AQR: variants seen among roughly 807,000 people sequenced by gnomAD.
AQR encodes the protein RNA helicase aquarius.
Under a neutral mutation model 180.5 loss-of-function variants are expected in AQR, and 61 were observed. The observed-to-expected ratio is 0.34, with a 90% confidence interval of 0.28 to 0.42. The LOEUF is 0.42. Ranked by LOEUF, AQR falls within the 10% of genes least tolerant of loss-of-function variation. The pLI is 1.00. For synonymous variants in AQR, 551 were observed against 588.8 expected (o/e 0.94, Z 0.93); for missense variants, 1,281 against 1,798.3 (o/e 0.71, Z 5.20).
At chr15:34,857,257 T>C in intron 34 of AQR, 151 bp from the exon 35 acceptor site, 1 of 666,340 alleles carries the variant, frequency 1.5e-6, no homozygotes. Context: ...GTCTAGGTTC[T>C]GCTAACACCA....
intron 19 of AQR, among the ~76,000 whole-genome samples, chr15:34,901,560 T>C (rs185939227): frequency 6.6e-5 from 10 of 152,342 alleles, no homozygotes; most frequent in Non-Finnish European, 1.0e-4. Context: ...AAGTGAGCTA[T>C]CTCACATATA....
chr15:34,912,300 G>T (rs1209159997), intron 16 of AQR, among the ~76,000 whole-genome samples: 1 of 152,064 alleles, frequency 6.6e-6, no homozygotes, highest in Non-Finnish European at 1.5e-5. Context: ...TCAGCTTGGA[G>T]AACTTCCCTT....
rs1342053535 is a variant in AQR, at chr15:34,852,561, ATC to A, written c.*4229_*4230del. On this transcript the variant is annotated 3_prime_UTR_variant, in exon 35 of 35. Transcript: ENST00000156471. The stretch of plus-strand genomic sequence containing the variant: ...CTGTGTTCTAAGGAAATAGCTACCT[ATC>A]TTATTAAAAAAAAACAAAAACAAAG... The A allele has an allele frequency of 7.9e-6, 1 of 126,502 alleles. No homozygotes were observed. Among genetic ancestry groups the A allele is most frequent in the Non-Finnish European group, 1.9e-5 (1 of 51,322 alleles). The allele number at this position is 126,502 out of a possible 1,614,324, so 7.8% of individuals were successfully genotyped here.
chr15:34,965,291 CAACACACTT>C (rs1437883173), intron 1 of AQR, among the ~76,000 whole-genome samples: 1 of 151,830 alleles, frequency 6.6e-6, no homozygotes, highest in African/African-American at 2.4e-5. Context: ...TGAACACATA[CAACACACTT>C]AAAGAGCCTC....
intron 34 of AQR, 118 bp from the exon 35 acceptor site, chr15:34,857,224 A>T: frequency 1.1e-6 from 1 of 893,718 alleles, no homozygotes; most frequent in Non-Finnish European, 1.6e-6. Flanking sequence ...TATACTCCAG[A>T]TGTAACACCT....
chr15:34,862,604 C>T (rs537034389), intron 33 of AQR, among the ~76,000 whole-genome samples: 2 of 152,126 alleles, frequency 1.3e-5, no homozygotes, highest in East Asian at 1.9e-4. Flanking sequence ...CACTATGTTG[C>T]CCAGGCTGGT....
intron 31 of AQR, chr15:34,868,754 CA>C (rs1892774374): frequency 6.6e-6 from 1 of 152,148 alleles, no homozygotes; most frequent in Non-Finnish European, 1.5e-5. Context: ...AAAATAGCAT[CA>C]AAAGGATATA....
chr15:34,946,641 T>C (rs1482497168), intron 5 of AQR, among the ~76,000 whole-genome samples: 29 of 115,360 alleles, frequency 2.5e-4, no homozygotes, highest in African/African-American at 4.1e-4. Flanking sequence ...CGCCTCTGCC[T>C]GGCCGCCCCT....
At chr15:34,937,799 G>C (rs1027744548) in intron 9 of AQR, among the ~76,000 whole-genome samples, 1 of 151,902 alleles carries the variant, frequency 6.6e-6, no homozygotes, top group Non-Finnish European at 1.5e-5. Flanking sequence ...CAGGAGAATT[G>C]CTTGATCCCA....
chr15:34,893,158 C>CTTCT (rs1233017414), intron 23 of AQR, among the ~76,000 whole-genome samples: 1 of 152,172 alleles, frequency 6.6e-6, no homozygotes, highest in Non-Finnish European at 1.5e-5. Context: ...AGGCAATTTA[C>CTTCT]TTCTGCAGGT....
chr15:34,930,432 T>C, intron 11 of AQR, 61 bp from the exon 12 acceptor site: 1 of 932,496 alleles, frequency 1.1e-6, no homozygotes, highest in Non-Finnish European at 1.7e-6. Context: ...AGCACAATAC[T>C]GTTTAAAATA....
At chr15:34,896,500 C>A (rs372947875) in intron 22 of AQR, among the ~76,000 whole-genome samples, 1 of 148,264 alleles carries the variant, frequency 6.7e-6, no homozygotes, top group African/African-American at 2.5e-5. Context: ...TGAAATAGAA[C>A]GCATTCTAAA....
rs753253183 is a variant in AQR at position 34,920,315 on chromosome 15, A to T, written c.1221+17T>A. 3.8e-6 allele frequency: 6 copies of T among 1,560,670 alleles called. No homozygotes were observed. The South Asian group carries it at 5.6e-5, about 15-fold the overall frequency. On this transcript the variant is annotated intron_variant, in intron 14 of 34. Coordinates refer to ENST00000156471, the MANE Select transcript of AQR (RefSeq NM_014691.3). Reference sequence around the variant, plus strand: ...AAGGAAAACCACATGCAAAATTCAGAGAACATTAATATTTACCAGCAATTC... The same window carrying T: ...AAGGAAAACCACATGCAAAATTCAGTGAACATTAATATTTACCAGCAATTC...
At chr15:34,920,826 C>CG (rs1893672578) in intron 13 of AQR, among the ~76,000 whole-genome samples, 1 of 151,674 alleles carries the variant, frequency 6.6e-6, no homozygotes, top group African/African-American at 2.4e-5. Context: ...GGCGTGGTGG[C>CG]GGGCGCCTGT....
rs1327027961 is a variant in AQR at position 34,874,754 on chromosome 15, C to T, written c.3348G>A (p.Glu1116=). Residue 1116 remains glutamate, a synonymous_variant, in exon 29 of 35, where the codon GAG becomes GAA. Coordinates refer to ENST00000156471, the MANE Select transcript of AQR (RefSeq NM_014691.3). ...GAACAAAGCGAGTGAAGAGAGACTG[C>T]TCCATGTTTGAGTACTTTTGAAAGG... The part of the protein sequence containing the change: ...NMAFQKYSNM[E]QSLFTRFVRV... The T allele has an allele frequency of 1.2e-6, 2 of 1,613,838 alleles. No individual in the cohort carries two copies. Among genetic ancestry groups the T allele is most frequent in the South Asian group, 2.2e-5 (2 of 91,072 alleles).
At position 34,862,967 on chromosome 15, in the gene AQR, A is replaced by C. The variant is rs754365888; in HGVS notation, c.3929T>G (p.Phe1310Cys). The change falls in exon 33 of 35, where the codon TTC becomes TGC. Residue 1310 changes from phenylalanine to cysteine, a missense_variant. Phe to Cys is a radical substitution (Grantham distance 205). Around this residue, in one of 9 missense-constraint regions of AQR, gnomAD observed 197 missense variants for 320.7 expected, o/e 0.61. Coordinates refer to ENST00000156471, the MANE Select transcript of AQR (RefSeq NM_014691.3). The part of the protein sequence containing the change: ...GLYIFARVSL[F>C]QNCFELTPAF... Reference sequence around the variant, plus strand: ...TGGAGTCAGTTCAAAACAGTTTTGGAAGAGGGATACTCTGGCGAAGATATA... The same window carrying C: ...TGGAGTCAGTTCAAAACAGTTTTGGCAGAGGGATACTCTGGCGAAGATATA... The C allele has an allele frequency of 1.2e-6, 2 of 1,613,904 alleles. No homozygotes were observed. The highest frequency in any genetic ancestry group is 1.7e-6 in the Non-Finnish European group (2 of 1,179,898).
intron 32 of AQR, 29 bp from the exon 33 acceptor site, chr15:34,863,070 C>T (rs1263725035): frequency 6.3e-7 from 1 of 1,589,590 alleles, no homozygotes; most frequent in East Asian, 2.2e-5. Context: ...ATAATTAGCA[C>T]ACTTCAAGAT....
At chr15:34,904,677 A>C (rs717941) in intron 18 of AQR, among the ~76,000 whole-genome samples, 172 bp from the exon 19 acceptor site, 67,137 of 151,886 alleles carry the variant, frequency 0.44, 17,947 homozygotes, top group Non-Finnish European at 0.6. Flanking sequence ...TAAGATGCTG[A>C]AAGTATTTTC....
intron 1 of AQR, among the ~76,000 whole-genome samples, chr15:34,966,789 T>C (rs1037778282): frequency 6.6e-6 from 1 of 152,044 alleles, no homozygotes; most frequent in South Asian, 2.1e-4. Flanking sequence ...CAAACATTAA[T>C]GTCTAATATT....
Sources: gnomAD v4.1 joint callset for allele counts (sites outside exome capture counted in the v4.1 genomes callset) on GRCh38, gnomAD v4.1.1 for gene constraint, gnomAD v4.1.1 regional missense constraint, MANE v1.5 for transcripts, NCBI Gene and HGNC (gene_info 2026-07-23, HGNC 2026-07-21) for gene names.